The following SLC15A1 variants were observed in gnomAD, a reference collection of about 807,000 sequenced individuals.
The protein encoded by SLC15A1 is Caco-2 oligopeptide transporter.
A neutral mutation model predicts 92.9 loss-of-function variants in SLC15A1; 83 were observed. The ratio of observed to expected loss-of-function variants is 0.89; its 90% CI spans 0.75 to 1.07. SLC15A1 has a LOEUF of 1.07. Among genes scored for constraint, SLC15A1 ranks in the 50% least tolerant of loss-of-function variants. The pLI is 0.00. For synonymous variants in SLC15A1, 322 were observed against 318.2 expected, an observed-to-expected ratio of 1.01 and a Z score of -0.13; for missense variants, 857 against 880.1, an observed-to-expected ratio of 0.97 and a Z score of 0.33.
At chr13:98,717,937 A>AT (rs2088223512) in intron 8 of SLC15A1, among the ~76,000 whole-genome samples, 1 of 152,136 alleles carries the variant, frequency 6.6e-6, no homozygotes, top group African/African-American at 2.4e-5. Flanking sequence ...CCATGTAGAA[A>AT]ACGCCACCTT....
At chr13:98,740,784 T>A (rs1172070257) in intron 1 of SLC15A1, among the ~76,000 whole-genome samples, 4 of 152,208 alleles carry the variant, frequency 2.6e-5, no homozygotes, top group African/African-American at 7.2e-5. Context: ...GGTGGGGTGG[T>A]GGGAAAGAGG....
Position 98,748,611 on chromosome 13 carries a change from G to A in SLC15A1, c.4+3984C>T, listed in dbSNP as rs910039141. Among the ~76,000 whole-genome samples, 3 of 152,058 alleles carry A rather than the reference G, an allele frequency of 2.0e-5. No homozygotes were observed. The East Asian group carries it at 5.8e-4, about 29-fold the overall frequency. On this transcript the variant is annotated intron_variant, in intron 1 of 22. Coordinates refer to ENST00000376503, the MANE Select transcript of SLC15A1 (RefSeq NM_005073.4). The stretch of plus-strand genomic sequence containing the variant: ...TGCCCAGCTATCCCTACGTTAAGAC[G>A]GCACCGGCAGACTAATTCTCAAGTT...
intron 20 of SLC15A1, among the ~76,000 whole-genome samples, 167 bp from the exon 21 acceptor site, chr13:98,687,891 T>C (rs772822975): frequency 5.3e-5 from 8 of 152,246 alleles, no homozygotes; most frequent in Non-Finnish European, 8.8e-5. Context: ...GCAATGGGAT[T>C]TGAAGACACG....
intron 18 of SLC15A1, among the ~76,000 whole-genome samples, chr13:98,698,920 AG>A (rs1188377569): frequency 6.6e-6 from 1 of 152,186 alleles, no homozygotes; most frequent in Non-Finnish European, 1.5e-5. Context: ...TTGAACGTTG[AG>A]GTGAACAGGA....
chr13:98,717,473 G>A (rs10492578), intron 8 of SLC15A1, among the ~76,000 whole-genome samples: 14,397 of 152,168 alleles, frequency 0.095, 799 homozygotes, highest in Admixed American at 0.13. Flanking sequence ...AAGCATAATC[G>A]TTGATAGAGG....
chr13:98,711,523 T>C (rs1566449460), intron 11 of SLC15A1, among the ~76,000 whole-genome samples: 1 of 152,190 alleles, frequency 6.6e-6, no homozygotes, highest in Non-Finnish European at 1.5e-5. Flanking sequence ...GCTGTATTGG[T>C]AGGAAAACAA....
At chr13:98,728,707 G>A (rs567706413) in intron 1 of SLC15A1, among the ~76,000 whole-genome samples, 7 of 151,958 alleles carry the variant, frequency 4.6e-5, no homozygotes, top group African/African-American at 4.8e-5. Context: ...GAGGCTGGGC[G>A]CGGTGGCTCA....
chr13:98,747,144 A>G (rs990858535), intron 1 of SLC15A1, among the ~76,000 whole-genome samples: 7 of 152,148 alleles, frequency 4.6e-5, no homozygotes, highest in Admixed American at 3.9e-4. Context: ...CAAAGGTACA[A>G]AAGAGTGACT....
rs762081521 is a variant in SLC15A1, at chr13:98,709,756, G to A, written c.964C>T (p.Pro322Ser). The change falls in exon 13 of 23, where the codon CCC becomes TCC. Residue 322 changes from proline to serine, a missense_variant. Pro to Ser is a moderately conservative substitution (Grantham distance 74). Transcript: ENST00000376503. ...ATGTCTTCTACCTGCATCTGATCGG[G>A]CTGAATTTCAAGAGCTCCCTAAAAA... is the stretch of plus-strand genomic sequence containing the variant. ...SGKIGALEIQ[P>S]DQMQTVNAIL... 14 of 1,614,026 alleles carry A rather than the reference G, an allele frequency of 8.7e-6. No homozygotes were observed. The African/African-American group carries it at 1.9e-4, about 22-fold the overall frequency.
Position 98,689,319 on chromosome 13 carries a change from C to T in SLC15A1, c.1467-742G>A, listed in dbSNP as rs191591186. Among the ~76,000 whole-genome samples, 5 of 152,310 alleles carry T rather than the reference C, an allele frequency of 3.3e-5. No individual in the cohort carries two copies. In the East Asian group the frequency reaches 5.8e-4, roughly 18 times the overall value. On this transcript the variant is annotated intron_variant, in intron 18 of 22. Transcript: ENST00000376503. ...TAAAAGATAGACCCCAGTTCCTAAA[C>T]GACACCCCCTTCTTTAGGGGGTTGA... is the stretch of plus-strand genomic sequence containing the variant.
chr13:98,733,006 T>C (rs2088362614), intron 1 of SLC15A1, among the ~76,000 whole-genome samples: 1 of 152,096 alleles, frequency 6.6e-6, no homozygotes, highest in Admixed American at 6.6e-5. Flanking sequence ...ACAGACCCAA[T>C]ATAATCACAA....
At chr13:98,747,247 G>A (rs1180604096) in intron 1 of SLC15A1, among the ~76,000 whole-genome samples, 2 of 152,228 alleles carry the variant, frequency 1.3e-5, no homozygotes, top group Non-Finnish European at 1.5e-5. Context: ...CCTCAAGGAA[G>A]AATGTGGAAA....
rs528865683 is a variant in SLC15A1, at chr13:98,692,136, C to CTTTTTTT, written c.1467-3566_1467-3560dup. Among the ~76,000 whole-genome samples the CTTTTTTT allele has an allele frequency of 7.1e-4, 48 of 67,636 alleles. 3 individuals carry two copies. The highest frequency in any genetic ancestry group is 8.7e-4 in the African/African-American group (20 of 23,000). The allele number at this position is 67,636 out of a possible 152,430, so 44.4% of individuals were successfully genotyped here. A position where few individuals can be genotyped will look rare whatever the true frequency, so the allele number is the denominator to read the frequency against. On this transcript the variant is annotated intron_variant, in intron 18 of 22. Coordinates refer to ENST00000376503, the MANE Select transcript of SLC15A1 (RefSeq NM_005073.4). ...AGGAGTCCCCCTCTCTTCTCCTAAACTTTTTTTTTTTTTTTTTTTTTTTTT... is the reference window on the plus strand; with the variant it reads ...AGGAGTCCCCCTCTCTTCTCCTAAACTTTTTTTTTTTTTTTTTTTTTTTTTTTTTTTT...
intron 1 of SLC15A1, among the ~76,000 whole-genome samples, chr13:98,747,951 A>G (rs2088508331): frequency 6.6e-6 from 1 of 152,224 alleles, no homozygotes; most frequent in East Asian, 1.9e-4. Context: ...GACATTTTGT[A>G]AGAGACGTGA....
chr13:98,694,112 T>C (rs1167260976), intron 18 of SLC15A1, among the ~76,000 whole-genome samples: 1 of 152,234 alleles, frequency 6.6e-6, no homozygotes, highest in Non-Finnish European at 1.5e-5. Flanking sequence ...CTAGCACCCA[T>C]GGTTGAAAGC....
chr13:98,749,561 C>T (rs541748602), intron 1 of SLC15A1, among the ~76,000 whole-genome samples: 9 of 152,296 alleles, frequency 5.9e-5, no homozygotes, highest in South Asian at 2.1e-4. Context: ...TATGATCCTA[C>T]GAAGGCTTCG....
At chr13:98,689,082 G>A (rs945306352) in intron 18 of SLC15A1, among the ~76,000 whole-genome samples, 1 of 152,212 alleles carries the variant, frequency 6.6e-6, no homozygotes, top group African/African-American at 2.4e-5. Context: ...TGGGACTACA[G>A]GCATGCACCA....
At chr13:98,734,166 A>G (rs1052047179) in intron 1 of SLC15A1, among the ~76,000 whole-genome samples, 1 of 152,058 alleles carries the variant, frequency 6.6e-6, no homozygotes, top group African/African-American at 2.4e-5. Flanking sequence ...GGGTTTCACC[A>G]TGTTGGCCAG....
intron 9 of SLC15A1, 68 bp downstream of exon 9, chr13:98,715,807 TTTA>T: frequency 7.9e-7 from 1 of 1,273,200 alleles, no homozygotes; most frequent in Non-Finnish European, 1.1e-6. Context: ...AAGCTTAAAT[TTTA>T]ATTTAAAGAA....
Sources: allele counts gnomAD v4.1 joint callset (sites outside exome capture counted in the v4.1 genomes callset), GRCh38; gene constraint gnomAD v4.1.1; transcripts MANE v1.5; gene names NCBI Gene and HGNC (gene_info 2026-07-23, HGNC 2026-07-21).